Variants in TDRD7 observed in about 807,000 individuals in gnomAD.
TDRD7 encodes tudor domain-containing protein 7.
A neutral mutation model predicts 109.8 loss-of-function variants in TDRD7; 47 were observed. That is an observed-to-expected ratio of 0.43 (90% CI 0.34 to 0.55). The LOEUF (loss-of-function observed/expected upper bound fraction) is 0.55, where lower values mean the gene tolerates loss of function less well. TDRD7 is among the 20% of genes least tolerant of loss of function. The pLI, the probability that TDRD7 is intolerant of heterozygous loss-of-function variation, is 0.03. For missense variants in TDRD7, 1,164 were observed against 1,319.2 expected (o/e 0.88, Z 1.82); for synonymous variants, 424 against 457.3 (o/e 0.93, Z 0.93).
chr9:97,431,725 G>T (rs1828107049), intron 3 of TDRD7, among the ~76,000 whole-genome samples: 1 of 152,152 alleles, frequency 6.6e-6, no homozygotes, highest in Non-Finnish European at 1.5e-5. Context: ...GAGACGGGAG[G>T]ACCAAGATAT....
At chr9:97,471,418 G>A (rs1455925273) in intron 9 of TDRD7, among the ~76,000 whole-genome samples, 2 of 152,134 alleles carry the variant, frequency 1.3e-5, no homozygotes, top group East Asian at 1.9e-4. Context: ...AGATTAACCT[G>A]AAGAAATTTT....
intron 13 of TDRD7, among the ~76,000 whole-genome samples, chr9:97,479,089 C>G (rs1056635180): frequency 2.0e-5 from 3 of 151,978 alleles, no homozygotes; most frequent in African/African-American, 7.3e-5. Flanking sequence ...GAACTACTCA[C>G]TACCTTTAGG....
At chr9:97,481,494 A>G (rs1032010108) in intron 14 of TDRD7, among the ~76,000 whole-genome samples, 2 of 152,138 alleles carry the variant, frequency 1.3e-5, no homozygotes, top group Middle Eastern at 3.2e-3. Flanking sequence ...ATACAAATTT[A>G]AGAAGATAGT....
At chr9:97,464,072 G>C (rs1828778828) in intron 7 of TDRD7, among the ~76,000 whole-genome samples, 1 of 152,154 alleles carries the variant, frequency 6.6e-6, no homozygotes, top group African/African-American at 2.4e-5. Context: ...CTATGTTCTA[G>C]AGTCTCTTCT....
chr9:97,419,699 A>G (rs1827867028), intron 1 of TDRD7, among the ~76,000 whole-genome samples: 2 of 152,148 alleles, frequency 1.3e-5, no homozygotes, highest in African/African-American at 4.8e-5. Context: ...CCCTGTGACT[A>G]AGTGGAGTCA....
At chr9:97,458,349 C>G (rs1405749925) in intron 6 of TDRD7, among the ~76,000 whole-genome samples, 2 of 152,160 alleles carry the variant, frequency 1.3e-5, no homozygotes, top group Non-Finnish European at 2.9e-5. Flanking sequence ...GTGTGCGTTT[C>G]AAACCTCTGG....
intron 6 of TDRD7, among the ~76,000 whole-genome samples, chr9:97,457,631 G>T (rs1047268810): frequency 6.6e-6 from 1 of 152,200 alleles, no homozygotes; most frequent in Non-Finnish European, 1.5e-5. Context: ...GCCCGCCTTG[G>T]CCTCCCAAAG....
intron 1 of TDRD7, among the ~76,000 whole-genome samples, chr9:97,422,329 G>C (rs1377340143): frequency 6.6e-6 from 1 of 152,174 alleles, no homozygotes; most frequent in East Asian, 1.9e-4. Context: ...CCAGGAGGCA[G>C]AGGTTACAGT....
rs556459764 is a variant in TDRD7, at chr9:97,450,226, G to A, written c.855+8351G>A. Reference sequence around the variant, plus strand: ...AAGTCATGCTAGTTCCCAGTCGTTGGACTGATGGATTTTTTGGGTGGACAT... The same window carrying A: ...AAGTCATGCTAGTTCCCAGTCGTTGAACTGATGGATTTTTTGGGTGGACAT... On this transcript the variant is annotated intron_variant, in intron 6 of 16. Coordinates refer to ENST00000355295, the MANE Select transcript of TDRD7 (RefSeq NM_014290.3). 4.9e-4 allele frequency among the ~76,000 whole-genome samples: 75 copies of A among 152,282 alleles called. No homozygotes were observed. In the South Asian group the frequency reaches 0.015, roughly 31 times the overall value.
At chr9:97,482,539 C>CT (rs1829133349) in intron 14 of TDRD7, among the ~76,000 whole-genome samples, 1 of 152,124 alleles carries the variant, frequency 6.6e-6, no homozygotes, top group African/African-American at 2.4e-5. Context: ...TTAATTTAAA[C>CT]TATTTTAATC....
At position 97,480,871 on chromosome 9, in the gene TDRD7, T is replaced by C; in HGVS notation, c.2345T>C (p.Met782Thr). The C allele has an allele frequency of 1.2e-6, 2 of 1,614,188 alleles. No individual in the cohort carries two copies. Among genetic ancestry groups the C allele is most frequent in the Non-Finnish European group, 1.7e-6 (2 of 1,179,988 alleles). ...CLADLPQSIG[M>T]WTPDAVLWLR... The stretch of plus-strand genomic sequence containing the variant: ...GCAGATCTTCCACAATCTATTGGCA[T>C]GTGGACACCAGATGCAGTGCTGTGG... The change falls in exon 14 of 17, where the codon ATG becomes ACG. Residue 782 changes from methionine to threonine, a missense_variant. Transcript: ENST00000355295.
chr9:97,471,704 A>T (rs1828916521), intron 9 of TDRD7, among the ~76,000 whole-genome samples: 1 of 152,172 alleles, frequency 6.6e-6, no homozygotes, highest in Non-Finnish European at 1.5e-5. Flanking sequence ...CATATATGTT[A>T]TGTGGAACTA....
chr9:97,449,038 G>T (rs1206959841), intron 6 of TDRD7, among the ~76,000 whole-genome samples: 1 of 152,200 alleles, frequency 6.6e-6, no homozygotes, highest in Non-Finnish European at 1.5e-5. Context: ...AAGAAGTAAA[G>T]ACCCTTAGAG....
At position 97,473,547 on chromosome 9, in the gene TDRD7, T is replaced by C; in HGVS notation, c.2000T>C (p.Leu667Pro). 1 of 1,613,850 alleles carries C rather than the reference T, an allele frequency of 6.2e-7. No homozygotes were observed. The highest frequency in any genetic ancestry group is 8.5e-7 in the Non-Finnish European group (1 of 1,179,800). The change falls in exon 11 of 17, where the codon CTC (leucine) becomes CCC (proline). Residue 667 changes from leucine (L) to proline (P), a missense_variant. By Grantham distance (98) the Leu-to-Pro change is moderately conservative. Around this residue, in one of 5 missense-constraint regions of TDRD7, gnomAD observed 261 missense variants for 336.2 expected, o/e 0.78. Transcript: ENST00000355295. ...KVTNICSDGT[L>P]YCQVPCKGLN... is the part of the protein sequence containing the mutation. ...ACTAATATTTGCTCTGATGGGACAC[T>C]CTACTGCCAGGTGCCTTGTAAGGGT... is the stretch of plus-strand genomic sequence containing the variant.
At chr9:97,427,391 T>C (rs953129225) in intron 1 of TDRD7, among the ~76,000 whole-genome samples, 3 of 152,202 alleles carry the variant, frequency 2.0e-5, no homozygotes, top group African/African-American at 7.2e-5. Context: ...TTTTATAGGT[T>C]CGTCTTCCTC....
chr9:97,431,197 G>T, intron 3 of TDRD7, 123 bp downstream of exon 3: 1 of 1,416,938 alleles, frequency 7.1e-7, no homozygotes, highest in Non-Finnish European at 9.9e-7. Flanking sequence ...ATATGTCAGG[G>T]GAAAGATCCT....
At chr9:97,428,722 C>A (rs766480021) in intron 2 of TDRD7, 50 bp downstream of exon 2, 3 of 1,553,444 alleles carry the variant, frequency 1.9e-6, no homozygotes, top group Middle Eastern at 1.9e-4. Context: ...TTCATAATTG[C>A]CTCTCTGGCA....
At chr9:97,477,009 A>G (rs1281299531) in intron 12 of TDRD7, among the ~76,000 whole-genome samples, 1 of 152,218 alleles carries the variant, frequency 6.6e-6, no homozygotes, top group Admixed American at 6.5e-5. Context: ...GTGCCTAGGT[A>G]TAAACTTCAA....
intron 6 of TDRD7, among the ~76,000 whole-genome samples, chr9:97,447,919 A>G (rs1292995141): frequency 1.3e-5 from 2 of 152,228 alleles, no homozygotes; most frequent in Non-Finnish European, 2.9e-5. Context: ...TTATCCTAAT[A>G]TAAATAATTG....
Sources: allele counts gnomAD v4.1 joint callset (sites outside exome capture counted in the v4.1 genomes callset), GRCh38; gene constraint gnomAD v4.1.1; regional missense constraint gnomAD v4.1.1; transcripts MANE v1.5; gene names NCBI Gene and HGNC (gene_info 2026-07-23, HGNC 2026-07-21).